Variants in CARD8 observed in about 807,000 individuals in gnomAD.
CARD8 encodes the protein caspase recruitment domain family member 8.
CARD8 carries 38 observed loss-of-function variants against 53.2 expected under a neutral mutation model. The observed-to-expected ratio is 0.71, with a 90% CI of 0.55 to 0.94. CARD8 has a LOEUF of 0.94. Ranked by LOEUF, CARD8 falls within the 40% of genes least tolerant of loss-of-function variation. The pLI is 0.00. For missense variants in CARD8, 561 were observed against 655.5 expected (o/e 0.86, Z 1.57); for synonymous variants, 245 against 244.9 (o/e 1.00, Z 0.00).
intron 3 of CARD8, among the ~76,000 whole-genome samples, chr19:48,243,987 T>A (rs1600658713): frequency 6.6e-6 from 1 of 152,364 alleles, no homozygotes; most frequent in East Asian, 1.9e-4. Flanking sequence ...TCAAAAAGCA[T>A]CTCTCACTTT....
intron 10 of CARD8, among the ~76,000 whole-genome samples, chr19:48,227,144 A>G (rs1212835777): frequency 1.3e-5 from 2 of 152,234 alleles, no homozygotes; most frequent in African/African-American, 4.8e-5. Flanking sequence ...GATGAACACT[A>G]GAGTATGGCT....
intron 1 of CARD8, among the ~76,000 whole-genome samples, chr19:48,251,479 C>A (rs2046932882): frequency 1.3e-5 from 2 of 152,286 alleles, no homozygotes; most frequent in South Asian, 4.1e-4. Context: ...CACCAACATG[C>A]TAATCTACGT....
downstream of CARD8, among the ~76,000 whole-genome samples, chr19:48,204,465 G>A (rs1295262190): frequency 1.3e-5 from 2 of 152,220 alleles, no homozygotes; most frequent in East Asian, 3.9e-4. Flanking sequence ...CAAGTTACTA[G>A]ATACTTGGGA....
intron 10 of CARD8, among the ~76,000 whole-genome samples, chr19:48,229,856 T>C (rs1475439250): frequency 6.6e-6 from 1 of 152,208 alleles, no homozygotes; most frequent in East Asian, 1.9e-4. Flanking sequence ...CTCACGCCTG[T>C]AATCCCAACA....
At chr19:48,237,608 C>A (rs75570817) in intron 5 of CARD8, among the ~76,000 whole-genome samples, 1 of 151,630 alleles carries the variant, frequency 6.6e-6, no homozygotes, top group African/African-American at 2.4e-5. Context: ...ACCAGCCTGG[C>A]CAACATGGTG....
At chr19:48,222,019 C>G (rs754534514) in intron 10 of CARD8, among the ~76,000 whole-genome samples, 164 bp from the exon 11 acceptor site, 13 of 152,056 alleles carry the variant, frequency 8.5e-5, no homozygotes, top group Non-Finnish European at 1.6e-4. Context: ...TAGGTAGATA[C>G]ACAGATATGA....
At chr19:48,240,889 G>A (rs539673045) in intron 4 of CARD8, 73 bp downstream of exon 4, 9 of 1,151,596 alleles carry the variant, frequency 7.8e-6, no homozygotes, top group East Asian at 7.6e-5. Flanking sequence ...ATGGTCCTCT[G>A]TATCTCATGA....
rs1217788626 is a variant in CARD8 at position 48,231,679 on chromosome 19, TATCA to T, written c.519_522del (p.Asp174ArgfsTer27). ...TCTTACCTGTATCTGTTTGTGCTCT[TATCA>T]ATCAACTCAACATCCACATTTCCTT... On this transcript the variant is annotated frameshift_variant, in exon 8 of 14. Coordinates refer to ENST00000651546, the MANE Select transcript of CARD8 (RefSeq NM_001184900.3). LOFTEE classifies it high-confidence loss of function. 3 of 1,607,088 alleles carry T rather than the reference TATCA, an allele frequency of 1.9e-6. No individual in the cohort carries two copies. Among genetic ancestry groups the T allele is most frequent in the South Asian group, 2.2e-5 (2 of 90,054 alleles).
downstream of CARD8, among the ~76,000 whole-genome samples, chr19:48,207,692 C>A (rs2037415085): frequency 6.9e-6 from 1 of 145,548 alleles, no homozygotes; most frequent in South Asian, 2.2e-4. Context: ...TTCTTAGTAG[C>A]TTCATTCTAA....
rs2042746858 is a variant in CARD8 at position 48,230,904 on chromosome 19, A to G, written c.645T>C (p.Ser215=). The G allele has an allele frequency of 6.2e-7, 1 of 1,613,958 alleles. No individual in the cohort carries two copies. ...GCTGCAGGTCCAGGGCCAGGTGCTG[A>G]CTCCAGGAACCAAACGCAATCGTCA... The part of the protein sequence containing the change: ...VTVTIAFGSW[S]QHLALDLQHH... Residue 215 remains serine (S), a synonymous_variant, in exon 9 of 14, where the codon AGT becomes AGC. Transcript: ENST00000651546.
At chr19:48,251,903 A>G (rs2046987925) in intron 1 of CARD8, among the ~76,000 whole-genome samples, 1 of 152,054 alleles carries the variant, frequency 6.6e-6, no homozygotes, top group African/African-American at 2.4e-5. Flanking sequence ...CCATCTCCTG[A>G]ACACAGAGCC....
rs1568796085 is a variant in CARD8 at position 48,230,964 on chromosome 19, TGTGGCTGACC to T, written c.575_584del (p.Trp192Ter). The T allele has an allele frequency of 6.2e-7, 1 of 1,614,148 alleles. No homozygotes were observed. Among genetic ancestry groups the T allele is most frequent in the Non-Finnish European group, 8.5e-7 (1 of 1,180,024 alleles). ...CATCCCTTACCAGGAAGCCGAGGCC[TGTGGCTGACC>T]ACAGATACCAGCCAGCAGTGGGGAA... On this transcript the variant is annotated frameshift_variant, in exon 9 of 14. Transcript: ENST00000651546. LOFTEE classifies it high-confidence loss of function.
intron 10 of CARD8, chr19:48,223,877 T>C: frequency 4.4e-6 from 2 of 456,310 alleles, no homozygotes; most frequent in South Asian, 1.5e-5. Flanking sequence ...GTCTGGAATA[T>C]ATAAGGCACA....
chr19:48,229,499 T>C (rs1431797582), intron 10 of CARD8, among the ~76,000 whole-genome samples: 1 of 152,216 alleles, frequency 6.6e-6, no homozygotes. Flanking sequence ...CCACAGTTAC[T>C]CACCACCCTA....
intron 12 of CARD8, among the ~76,000 whole-genome samples, chr19:48,218,426 T>C (rs1298581863): frequency 1.3e-5 from 2 of 149,894 alleles, no homozygotes; most frequent in Non-Finnish European, 3.0e-5. Context: ...GGCACAATCT[T>C]GGCTCACTGC....
In CARD8 at chr19:48,234,420, A is replaced by G; in HGVS notation, c.333T>C (p.Ser111=). 1.2e-6 allele frequency: 2 copies of G among 1,612,520 alleles called. No individual in the cohort carries two copies. Among genetic ancestry groups the G allele is most frequent in the African/African-American group, 1.3e-5 (1 of 74,964 alleles). ...TTTCTTACCTGGGAATGTCCCCCCCAGATAGTTGACACTCAGGAACAGCAC... is the reference window on the plus strand; with the variant it reads ...TTTCTTACCTGGGAATGTCCCCCCCGGATAGTTGACACTCAGGAACAGCAC... The part of the protein sequence containing the change: ...LFRAVPECQL[S]GGDIPSVSEE... Residue 111 remains serine, a synonymous_variant, in exon 6 of 14, where the codon TCT becomes TCC. Coordinates refer to ENST00000651546, the MANE Select transcript of CARD8 (RefSeq NM_001184900.3).
At chr19:48,241,406 C>G (rs980057099) in intron 3 of CARD8, among the ~76,000 whole-genome samples, 2 of 152,158 alleles carry the variant, frequency 1.3e-5, no homozygotes, top group Non-Finnish European at 2.9e-5. Flanking sequence ...CAGGCATGCG[C>G]CACCATACCC....
chr19:48,235,564 A>G (rs1270099691), intron 5 of CARD8, among the ~76,000 whole-genome samples: 1 of 152,166 alleles, frequency 6.6e-6, no homozygotes, highest in Non-Finnish European at 1.5e-5. Context: ...TGCTTTGAAG[A>G]GGACTCCAGG....
intron 10 of CARD8, among the ~76,000 whole-genome samples, chr19:48,224,864 C>T (rs2041423010): frequency 6.6e-6 from 1 of 151,684 alleles, no homozygotes; most frequent in African/African-American, 2.4e-5. Flanking sequence ...AGCCATTCTC[C>T]CACCTCAGCC....
Sources: gnomAD v4.1 joint callset for allele counts (sites outside exome capture counted in the v4.1 genomes callset) on GRCh38, gnomAD v4.1.1 for gene constraint, MANE v1.5 for transcripts, NCBI Gene and HGNC (gene_info 2026-07-23, HGNC 2026-07-21) for gene names.